Variants in NALF1 observed in about 807,000 individuals in gnomAD.
The protein encoded by NALF1 is family with sequence similarity 155 member A.
A neutral mutation model predicts 48.4 loss-of-function variants in NALF1; 3 were observed. That is an observed-to-expected ratio of 0.06 (90% CI 0.03 to 0.16). NALF1 has a LOEUF of 0.16. NALF1 is among the 10% of genes least tolerant of loss of function. The probability of loss-of-function intolerance (pLI) is 1.00; values close to 1 mark genes in which losing one functional copy is unlikely to be tolerated. For missense variants in NALF1, 526 were observed against 571.5 expected, an observed-to-expected ratio of 0.92 and a Z score of 0.81; for synonymous variants, 262 against 245.7, an observed-to-expected ratio of 1.07 and a Z score of -0.62.
At chr13:107,693,336 GC>G (rs368443459) in intron 1 of NALF1, among the ~76,000 whole-genome samples, 5 of 107,858 alleles carry the variant, frequency 4.6e-5, no homozygotes, top group Admixed American at 9.4e-5. Flanking sequence ...GGTAGGGGGG[GC>G]GGGAGGGATA....
intron 1 of NALF1, among the ~76,000 whole-genome samples, chr13:107,218,166 T>A (rs1036358536): frequency 1.3e-5 from 2 of 152,080 alleles, no homozygotes; most frequent in African/African-American, 4.8e-5. Flanking sequence ...TCCACCTCCC[T>A]CACGAATCCC....
intron 2 of NALF1, among the ~76,000 whole-genome samples, chr13:107,202,650 T>C (rs1879545348): frequency 6.6e-6 from 1 of 152,192 alleles, no homozygotes; most frequent in Non-Finnish European, 1.5e-5. Context: ...AATGTCTATG[T>C]TCCAAAGTGC....
At chr13:107,818,389 C>T (rs1319051886) in intron 1 of NALF1, among the ~76,000 whole-genome samples, 3 of 152,022 alleles carry the variant, frequency 2.0e-5, no homozygotes, top group Middle Eastern at 3.2e-3. Flanking sequence ...CAGCACCTGG[C>T]CAGGAATTGG....
chr13:107,671,501 A>G (rs1041885351), intron 1 of NALF1, among the ~76,000 whole-genome samples: 3 of 152,144 alleles, frequency 2.0e-5, no homozygotes, highest in Non-Finnish European at 2.9e-5. Flanking sequence ...AAGAAAATCA[A>G]TGTACATAGT....
intron 1 of NALF1, among the ~76,000 whole-genome samples, chr13:107,428,384 C>T (rs749943442): frequency 5.9e-5 from 9 of 152,262 alleles, no homozygotes; most frequent in East Asian, 3.9e-4. Context: ...AGCTTTGAGG[C>T]GATCTATGCT....
At chr13:107,834,667 A>G (rs1879838612) in intron 1 of NALF1, among the ~76,000 whole-genome samples, 1 of 152,168 alleles carries the variant, frequency 6.6e-6, no homozygotes, top group African/African-American at 2.4e-5. Flanking sequence ...AATAGACTCA[A>G]TTTTCATTTT....
chr13:107,244,928 A>G (rs1253810368), intron 1 of NALF1, among the ~76,000 whole-genome samples: 2 of 152,112 alleles, frequency 1.3e-5, no homozygotes, highest in Non-Finnish European at 2.9e-5. Flanking sequence ...GTTTCCTATT[A>G]TTTATTTAAG....
intron 1 of NALF1, among the ~76,000 whole-genome samples, chr13:107,803,105 T>C (rs769462394): frequency 1.3e-5 from 2 of 152,156 alleles, no homozygotes; most frequent in Non-Finnish European, 2.9e-5. Context: ...CTTTCTAAAT[T>C]CTAGCATTGT....
chr13:107,817,663 C>T (rs1012971376), intron 1 of NALF1, among the ~76,000 whole-genome samples: 7 of 152,078 alleles, frequency 4.6e-5, no homozygotes, highest in Non-Finnish European at 1.0e-4. Flanking sequence ...AAGGACATCC[C>T]ATCTATCTGC....
At chr13:107,396,544 C>G in intron 1 of NALF1, among the ~76,000 whole-genome samples, 1 of 152,188 alleles carries the variant, frequency 6.6e-6, no homozygotes, top group East Asian at 1.9e-4. Flanking sequence ...TGGCTACTGA[C>G]TGATTATCAG....
At chr13:107,399,389 C>T (rs992017075) in intron 1 of NALF1, among the ~76,000 whole-genome samples, 16 of 151,906 alleles carry the variant, frequency 1.1e-4, no homozygotes, top group African/African-American at 1.2e-4. Flanking sequence ...ACATTCATAA[C>T]GCATCTAACC....
At chr13:107,174,736 A>G (rs1485851307) in intron 2 of NALF1, among the ~76,000 whole-genome samples, 2 of 152,028 alleles carry the variant, frequency 1.3e-5, no homozygotes, top group Non-Finnish European at 2.9e-5. Flanking sequence ...TCCAGGAAGC[A>G]GAAGGCCAGG....
intron 1 of NALF1, among the ~76,000 whole-genome samples, chr13:107,270,532 T>C (rs1881139566): frequency 6.6e-6 from 1 of 152,096 alleles, no homozygotes; most frequent in African/African-American, 2.4e-5. Context: ...ATTTTCAGTA[T>C]AGAAATTCAT....
At chr13:107,392,617 G>A (rs1883645783) in intron 1 of NALF1, among the ~76,000 whole-genome samples, 1 of 152,100 alleles carries the variant, frequency 6.6e-6, no homozygotes, top group African/African-American at 2.4e-5. Context: ...TTGTGGTGAT[G>A]GGCAGGTGTC....
chr13:107,216,916 G>A (rs1003287446), intron 1 of NALF1, among the ~76,000 whole-genome samples: 2 of 152,168 alleles, frequency 1.3e-5, no homozygotes, highest in Non-Finnish European at 2.9e-5. Flanking sequence ...CTGTGCTTTC[G>A]CAAATAGAGA....
chr13:107,472,971 C>G (rs1265395445), intron 1 of NALF1, among the ~76,000 whole-genome samples: 1 of 152,174 alleles, frequency 6.6e-6, no homozygotes, highest in Non-Finnish European at 1.5e-5. Context: ...TTTTCCTTTT[C>G]AACCTGGAAT....
chr13:107,681,498 C>G (rs1881303023), intron 1 of NALF1, among the ~76,000 whole-genome samples: 1 of 151,872 alleles, frequency 6.6e-6, no homozygotes, highest in Non-Finnish European at 1.5e-5. Context: ...AAAAAAATCA[C>G]TATTTTACAT....
intron 2 of NALF1, among the ~76,000 whole-genome samples, chr13:107,202,766 C>T (rs1435564605): frequency 6.6e-6 from 1 of 152,178 alleles, no homozygotes; most frequent in African/African-American, 2.4e-5. Context: ...GGCGTGATCA[C>T]CTTCCGTTAA....
intron 1 of NALF1, among the ~76,000 whole-genome samples, chr13:107,671,010 C>T (rs1406519290): frequency 2.0e-5 from 3 of 152,078 alleles, no homozygotes; most frequent in African/African-American, 7.2e-5. Flanking sequence ...CACTTTGAAT[C>T]AGTCATTGAA....
Sources: allele counts gnomAD v4.1 joint callset (sites outside exome capture counted in the v4.1 genomes callset), GRCh38; gene constraint gnomAD v4.1.1; transcripts MANE v1.5; gene names NCBI Gene and HGNC (gene_info 2026-07-23, HGNC 2026-07-21).